SDK1: variants seen among roughly 807,000 people sequenced by gnomAD.
The protein encoded by SDK1 is sidekick cell adhesion molecule 1, also known as protein sidekick-1.
SDK1 carries 157 observed loss-of-function variants against 245.5 expected under a neutral mutation model. The observed-to-expected ratio is 0.64, with a 90% CI of 0.56 to 0.73. The LOEUF (loss-of-function observed/expected upper bound fraction) is 0.73, where lower values mean the gene tolerates loss of function less well. Among genes scored for constraint, SDK1 ranks in the 30% least tolerant of loss-of-function variants. The pLI is 0.00. For synonymous variants in SDK1, 1,647 were observed against 1,278.5 expected (o/e 1.29, Z -6.15); for missense variants, 3,583 against 3,002.3 (o/e 1.19, Z -4.52).
At chr7:3,803,558 ACCTCAG>A (rs926876924) in intron 4 of SDK1, among the ~76,000 whole-genome samples, 1 of 151,156 alleles carries the variant, frequency 6.6e-6, no homozygotes, top group Non-Finnish European at 1.5e-5. Context: ...TGACTCACCC[ACCTCAG>A]CCTCCTAAAG....
rs952371643 is a variant in SDK1, at chr7:3,674,752, C to T, written c.713+32647C>T. On this transcript the variant is annotated intron_variant, in intron 4 of 44. Transcript: ENST00000404826. ...ATTTTCATGGTGTGAATACTCCCACCACAGTGTATTCCAGGTGACCAACAT... is the reference window on the plus strand; with the variant it reads ...ATTTTCATGGTGTGAATACTCCCACTACAGTGTATTCCAGGTGACCAACAT... Among the ~76,000 whole-genome samples, 3 of 152,130 alleles carry T rather than the reference C, an allele frequency of 2.0e-5. No homozygotes were observed. In the East Asian group the frequency reaches 5.8e-4, roughly 29 times the overall value.
At chr7:3,885,614 G>C (rs996287806) in intron 5 of SDK1, among the ~76,000 whole-genome samples, 2 of 152,106 alleles carry the variant, frequency 1.3e-5, no homozygotes, top group African/African-American at 2.4e-5. Context: ...GGAGAATTTC[G>C]TGTGTCTCTG....
chr7:3,588,299 G>A (rs1780754375), intron 1 of SDK1, among the ~76,000 whole-genome samples: 1 of 152,106 alleles, frequency 6.6e-6, no homozygotes, highest in African/African-American at 2.4e-5. Flanking sequence ...ATTTTCAGAA[G>A]CATTTATTTT....
At chr7:4,217,176 C>CA in intron 38 of SDK1, among the ~76,000 whole-genome samples, 3 of 135,282 alleles carry the variant, frequency 2.2e-5, no homozygotes, top group African/African-American at 8.3e-5. Context: ...AGCACCACAC[C>CA]CCCCGGAGCA....
At chr7:3,411,890 G>A (rs762468536) in intron 1 of SDK1, among the ~76,000 whole-genome samples, 1 of 152,122 alleles carries the variant, frequency 6.6e-6, no homozygotes, top group Admixed American at 6.5e-5. Flanking sequence ...ATCTGAAGAA[G>A]GGTATATTGC....
At chr7:4,211,273 G>A (rs1464322908) in intron 38 of SDK1, among the ~76,000 whole-genome samples, 2 of 152,248 alleles carry the variant, frequency 1.3e-5, no homozygotes, top group Admixed American at 1.3e-4. Flanking sequence ...AAGAGGAAAT[G>A]TCAGGGGCTT....
chr7:3,675,402 A>G (rs1369234927), intron 4 of SDK1, among the ~76,000 whole-genome samples: 3 of 152,160 alleles, frequency 2.0e-5, no homozygotes, highest in African/African-American at 7.2e-5. Flanking sequence ...ACACTTAGCT[A>G]ATCTTTTTTT....
chr7:3,547,442 C>T (rs1583151490), intron 1 of SDK1, among the ~76,000 whole-genome samples: 1 of 152,178 alleles, frequency 6.6e-6, no homozygotes, highest in South Asian at 2.1e-4. Context: ...CCTATGGATA[C>T]TAACTGCCGT....
intron 35 of SDK1, among the ~76,000 whole-genome samples, chr7:4,190,701 T>A (rs1430192841): frequency 6.6e-6 from 1 of 152,226 alleles, no homozygotes; most frequent in East Asian, 1.9e-4. Flanking sequence ...CCCTTCCCCA[T>A]GCCAGGGAGT....
At chr7:4,001,075 T>C (rs1785041513) in intron 14 of SDK1, among the ~76,000 whole-genome samples, 1 of 152,176 alleles carries the variant, frequency 6.6e-6, no homozygotes, top group Admixed American at 6.5e-5. Context: ...TGGAATCCTC[T>C]GGCCCAGGCT....
At position 3,452,119 on chromosome 7, in the gene SDK1, TTAAAG is replaced by T. The variant is rs1036854750; in HGVS notation, c.298+150239_298+150243del. ...TTCAAGGGTAAGCCGACTCACATGA[TTAAAG>T]TAAGTTATGAGCATTTTTGTTTATC... On this transcript the variant is annotated intron_variant, in intron 1 of 44. Coordinates refer to ENST00000404826, the MANE Select transcript of SDK1 (RefSeq NM_152744.4). 7.0e-4 allele frequency among the ~76,000 whole-genome samples: 107 copies of T among 152,328 alleles called. 1 individual carries two copies. Among genetic ancestry groups the T allele is most frequent in the African/African-American group, 2.5e-3 (104 of 41,570 alleles).
At chr7:4,179,907 G>A (rs1217794133) in intron 35 of SDK1, among the ~76,000 whole-genome samples, 1 of 151,898 alleles carries the variant, frequency 6.6e-6, no homozygotes, top group Non-Finnish European at 1.5e-5. Context: ...GGAGGGCCGG[G>A]AACTACAGTG....
chr7:3,798,211 C>CTTTTTTTT (rs71029699), intron 4 of SDK1, among the ~76,000 whole-genome samples: 5 of 53,612 alleles, frequency 9.3e-5, no homozygotes, highest in African/African-American at 1.4e-4. Context: ...CCTTGGCACT[C>CTTTTTTTT]TTTTTTTTTT....
chr7:4,147,022 G>C (rs977607065), intron 29 of SDK1, among the ~76,000 whole-genome samples: 2 of 152,154 alleles, frequency 1.3e-5, no homozygotes, highest in Non-Finnish European at 1.5e-5. Flanking sequence ...CAGCGTCCAG[G>C]GTTGGTGCCA....
At chr7:3,680,162 C>G (rs1415238466) in intron 4 of SDK1, among the ~76,000 whole-genome samples, 1 of 152,156 alleles carries the variant, frequency 6.6e-6, no homozygotes, top group East Asian at 1.9e-4. Flanking sequence ...TCAGGGGCAT[C>G]ATGCTTAGGG....
chr7:4,031,447 G>C (rs1787811947), intron 17 of SDK1, among the ~76,000 whole-genome samples: 1 of 152,134 alleles, frequency 6.6e-6, no homozygotes, highest in Admixed American at 6.5e-5. Context: ...TCCAGAGAAA[G>C]AGAGGACTAA....
intron 4 of SDK1, among the ~76,000 whole-genome samples, chr7:3,703,450 T>C (rs1295484331): frequency 6.6e-6 from 1 of 152,168 alleles, no homozygotes; most frequent in East Asian, 1.9e-4. Context: ...GATGCCAGGT[T>C]GGGATGAATG....
intron 10 of SDK1, among the ~76,000 whole-genome samples, chr7:3,968,821 A>G (rs1271400004): frequency 1.3e-5 from 2 of 152,164 alleles, no homozygotes; most frequent in Non-Finnish European, 2.9e-5. Context: ...TCTTTGTTGT[A>G]TTAGTCCACT....
intron 1 of SDK1, among the ~76,000 whole-genome samples, chr7:3,482,890 G>C (rs184164953): frequency 6.6e-6 from 1 of 152,338 alleles, no homozygotes. Context: ...AAAATTGCCT[G>C]ACACGTAATA....
Sources: gnomAD v4.1 joint callset for allele counts (sites outside exome capture counted in the v4.1 genomes callset) on GRCh38, gnomAD v4.1.1 for gene constraint, MANE v1.5 for transcripts, NCBI Gene and HGNC (gene_info 2026-07-23, HGNC 2026-07-21) for gene names.